Variants in USH2A observed in about 807,000 individuals in gnomAD.
The protein encoded by USH2A is Usher syndrome 2A (autosomal recessive, mild).
A neutral mutation model predicts 538.9 loss-of-function variants in USH2A; 443 were observed. That is an observed-to-expected ratio of 0.82 (90% CI 0.76 to 0.89). The LOEUF is 0.89. USH2A is among the 40% of genes least tolerant of loss of function. The probability of loss-of-function intolerance (pLI) is 0.00; values close to 1 mark genes in which losing one functional copy is unlikely to be tolerated. For synonymous variants in USH2A, 2,413 were observed against 2,273.5 expected, an observed-to-expected ratio of 1.06 and a Z score of -1.75; for missense variants, 6,633 against 6,324.8, an observed-to-expected ratio of 1.05 and a Z score of -1.65.
In USH2A at chr1:216,073,090, A is replaced by C. The variant is rs397518020; in HGVS notation, c.5776+7T>G. 34 of 1,613,732 alleles carry C rather than the reference A, an allele frequency of 2.1e-5. No individual in the cohort carries two copies. The highest frequency in any genetic ancestry group is 2.6e-5 in the Non-Finnish European group (31 of 1,179,936). ...GTAACATTTAATTTAGAGGACCTCC[A>C]CATTACCTGTAAAAGGCTGGAGACC... On this transcript the variant is annotated splice_region_variant and intron_variant, in intron 28 of 71. Coordinates refer to ENST00000307340, the MANE Select transcript of USH2A (RefSeq NM_206933.4).
chr1:215,951,531 T>A (rs1379803591), intron 37 of USH2A, among the ~76,000 whole-genome samples: 1 of 152,206 alleles, frequency 6.6e-6, no homozygotes, highest in South Asian at 2.1e-4. Flanking sequence ...GTATATTCTG[T>A]TGATTTGGAG....
intron 38 of USH2A, among the ~76,000 whole-genome samples, chr1:215,913,451 T>C (rs1665865162): frequency 6.6e-6 from 1 of 152,066 alleles, no homozygotes; most frequent in African/African-American, 2.4e-5. Flanking sequence ...GCTGACCTGT[T>C]ATGGGCCGGA....
chr1:215,723,996 C>T lies in USH2A; in HGVS notation c.12066+4034G>A, dbSNP rs376411450. On this transcript the variant is annotated intron_variant, in intron 61 of 71. Coordinates refer to ENST00000307340, the MANE Select transcript of USH2A (RefSeq NM_206933.4). Reference sequence around the variant, plus strand: ...GATACCTGCATTCGTATGTGTATTACGGCACTATTCACAATAGCAAAGATA... The same window carrying T: ...GATACCTGCATTCGTATGTGTATTATGGCACTATTCACAATAGCAAAGATA... 2.0e-4 allele frequency among the ~76,000 whole-genome samples: 30 copies of T among 152,194 alleles called. 1 individual carries two copies. Among genetic ancestry groups the T allele is most frequent in the East Asian group, 1.5e-3 (8 of 5,186 alleles).
chr1:215,714,518 C>A (rs2102701070), intron 61 of USH2A, among the ~76,000 whole-genome samples: 1 of 152,194 alleles, frequency 6.6e-6, no homozygotes, highest in Admixed American at 6.5e-5. Flanking sequence ...TGCATGCATG[C>A]AAAAAGAATA....
chr1:216,201,240 G>T (rs372735254), intron 16 of USH2A, among the ~76,000 whole-genome samples: 363 of 150,948 alleles, frequency 2.4e-3, no homozygotes, highest in African/African-American at 8.5e-3. Context: ...ATCTGCCATT[G>T]GCCACAAAAG....
intron 14 of USH2A, among the ~76,000 whole-genome samples, chr1:216,218,820 T>G (rs972507034): frequency 3.3e-5 from 5 of 152,080 alleles, no homozygotes; most frequent in African/African-American, 1.2e-4. Flanking sequence ...TTAGGTTAAG[T>G]TTTAGAGCTG....
intron 21 of USH2A, among the ~76,000 whole-genome samples, chr1:216,157,876 A>C (rs75515914): frequency 6.6e-6 from 1 of 152,194 alleles, no homozygotes; most frequent in African/African-American, 2.4e-5. Flanking sequence ...AATGGAACCC[A>C]TAGCCCAAAC....
chr1:216,202,260 T>G (rs1351481931), intron 16 of USH2A, among the ~76,000 whole-genome samples: 1 of 152,220 alleles, frequency 6.6e-6, no homozygotes, highest in Non-Finnish European at 1.5e-5. Context: ...CAGTACTTGC[T>G]GAATGTTTGT....
intron 58 of USH2A, among the ~76,000 whole-genome samples, chr1:215,751,601 TTC>T (rs1229505084): frequency 6.6e-6 from 1 of 152,120 alleles, no homozygotes; most frequent in Non-Finnish European, 1.5e-5. Flanking sequence ...ACCACTTATG[TTC>T]CATGAAGCAT....
intron 61 of USH2A, among the ~76,000 whole-genome samples, chr1:215,704,465 G>A (rs1292872858): frequency 6.6e-6 from 1 of 152,208 alleles, no homozygotes; most frequent in African/African-American, 2.4e-5. Context: ...CATTGACAGA[G>A]TCAAGTGCAA....
chr1:215,950,687 T>C (rs571379348), intron 37 of USH2A, among the ~76,000 whole-genome samples: 1 of 151,888 alleles, frequency 6.6e-6, no homozygotes, highest in Non-Finnish European at 1.5e-5. Flanking sequence ...TTTTTTTGTA[T>C]TTTTAGTAGA....
intron 38 of USH2A, 76 bp from the exon 39 acceptor site, chr1:215,900,981 T>C (rs1250756623): frequency 4.4e-6 from 7 of 1,578,320 alleles, no homozygotes; most frequent in African/African-American, 2.7e-5. Context: ...AAATGCTCCA[T>C]ATACTGGAAA....
chr1:216,009,817 A>C (rs960287374), intron 32 of USH2A, among the ~76,000 whole-genome samples: 36 of 152,066 alleles, frequency 2.4e-4, no homozygotes, highest in Admixed American at 2.0e-4. Flanking sequence ...AGCCCTCCCC[A>C]ACCTGACCAG....
intron 11 of USH2A, among the ~76,000 whole-genome samples, chr1:216,287,941 T>A (rs1200400190): frequency 2.0e-5 from 3 of 152,134 alleles, no homozygotes; most frequent in Non-Finnish European, 4.4e-5. Context: ...GACAAATACT[T>A]ATTGGGGGCT....
chr1:216,258,637 C>T (rs1241316518), intron 11 of USH2A, among the ~76,000 whole-genome samples: 3 of 152,070 alleles, frequency 2.0e-5, no homozygotes, highest in African/African-American at 7.2e-5. Context: ...TCTAGAAATA[C>T]TCTGTAAGCA....
At chr1:216,172,482 T>G (rs1025873920) in intron 21 of USH2A, among the ~76,000 whole-genome samples, 1 of 152,104 alleles carries the variant, frequency 6.6e-6, no homozygotes, top group African/African-American at 2.4e-5. Flanking sequence ...GTTATTAACT[T>G]TTAAAATGTA....
intron 21 of USH2A, among the ~76,000 whole-genome samples, chr1:216,121,009 G>T (rs898153860): frequency 6.6e-6 from 1 of 152,098 alleles, no homozygotes; most frequent in Non-Finnish European, 1.5e-5. Flanking sequence ...TTAAAAAAAT[G>T]AGTTTTATGG....
chr1:215,754,819 T>C (rs932154501), intron 58 of USH2A, among the ~76,000 whole-genome samples: 6 of 152,254 alleles, frequency 3.9e-5, no homozygotes, highest in Non-Finnish European at 8.8e-5. Flanking sequence ...AAAACAGTTA[T>C]TGTAATTCAC....
At chr1:216,131,700 C>G (rs2033379767) in intron 21 of USH2A, among the ~76,000 whole-genome samples, 1 of 151,970 alleles carries the variant, frequency 6.6e-6, no homozygotes. Flanking sequence ...ATGATTGTCC[C>G]TCTCCCTAGA....
Sources: allele counts gnomAD v4.1 joint callset (sites outside exome capture counted in the v4.1 genomes callset), GRCh38; gene constraint gnomAD v4.1.1; transcripts MANE v1.5; gene names NCBI Gene and HGNC (gene_info 2026-07-23, HGNC 2026-07-21).